The following ZNF705A variants were observed in gnomAD, a reference collection of about 807,000 sequenced individuals.
ZNF705A encodes the protein zinc finger protein 705A.
A neutral mutation model predicts 16.6 loss-of-function variants in ZNF705A; 8 were observed. The ratio of observed to expected loss-of-function variants is 0.48; its 90% CI spans 0.28 to 0.87. The LOEUF (loss-of-function observed/expected upper bound fraction) is 0.87. Ranked by LOEUF, ZNF705A falls within the 40% of genes least tolerant of loss-of-function variation. The pLI, the probability that ZNF705A is intolerant of heterozygous loss-of-function variation, is 0.10. For missense variants in ZNF705A, 233 were observed against 359.9 expected (o/e 0.65, Z 2.85); for synonymous variants, 73 against 117.3 (o/e 0.62, Z 2.44).
intron 1 of ZNF705A, among the ~76,000 whole-genome samples, chr12:8,160,691 T>C (rs1948347418): frequency 6.6e-6 from 1 of 152,114 alleles, no homozygotes; most frequent in Non-Finnish European, 1.5e-5. Context: ...CTAGAAGCTT[T>C]GCCAAATTCT....
chr12:8,164,951 A>G (rs1172843051), intron 1 of ZNF705A, among the ~76,000 whole-genome samples: 1 of 152,190 alleles, frequency 6.6e-6, no homozygotes, highest in Non-Finnish European at 1.5e-5. Flanking sequence ...CATTCCCACC[A>G]ACAGTGTAAA....
intron 4 of ZNF705A, among the ~76,000 whole-genome samples, chr12:8,176,654 A>G (rs1328465981): frequency 6.6e-6 from 1 of 152,190 alleles, no homozygotes; most frequent in African/African-American, 2.4e-5. Context: ...ACCTGTAAAG[A>G]CAAGTTATCA....
At chr12:8,177,512 C>A in exon 5 of ZNF705A, 2 of 1,612,354 alleles carry the variant, frequency 1.2e-6, no homozygotes, top group Non-Finnish European at 1.7e-6. Flanking sequence ...CAAAATAATT[C>A]ACACTGGAGA....
chr12:8,173,380 G>A (rs1387009503), intron 1 of ZNF705A, among the ~76,000 whole-genome samples: 3 of 152,138 alleles, frequency 2.0e-5, no homozygotes, highest in Admixed American at 1.3e-4. Flanking sequence ...AGTAGATAGA[G>A]TACAATTTAG....
intron 1 of ZNF705A, among the ~76,000 whole-genome samples, chr12:8,160,030 T>A (rs1948341176): frequency 6.6e-6 from 1 of 152,160 alleles, no homozygotes; most frequent in Non-Finnish European, 1.5e-5. Flanking sequence ...CTAGTTTCAT[T>A]CTCCTACATG....
intron 1 of ZNF705A, among the ~76,000 whole-genome samples, chr12:8,166,234 T>C (rs1001108239): frequency 1.3e-5 from 2 of 152,222 alleles, no homozygotes; most frequent in African/African-American, 2.4e-5. Flanking sequence ...TAGTAGACAT[T>C]CGCCATGAAG....
chr12:8,177,999 T>G (rs1948500216), exon 5 of ZNF705A: 1 of 202,070 alleles, frequency 4.9e-6, no homozygotes, highest in Non-Finnish European at 1.0e-5. Flanking sequence ...ACTAAAAGTC[T>G]TCAGCAACAG....
At chr12:8,167,348 T>C (rs191593293) in intron 1 of ZNF705A, among the ~76,000 whole-genome samples, 21 of 152,356 alleles carry the variant, frequency 1.4e-4, no homozygotes, top group African/African-American at 5.1e-4. Context: ...TTTTTAGTAG[T>C]AGTCTCAAAA....
At position 8,163,218 on chromosome 12, in the gene ZNF705A, G is replaced by GATCT. The variant is rs778619996; in HGVS notation, c.-72+6128_-72+6131dup. ...CACCTATAAAGATCGAGATCTGTTG[G>GATCT]ATCTAGATCAGGGGATTCTCAATCA... On this transcript the variant is annotated intron_variant, in intron 1 of 5. Transcript: ENST00000396570. Among the ~76,000 whole-genome samples the GATCT allele has an allele frequency of 2.4e-3, 362 of 152,234 alleles. 2 individuals carry two copies. The highest frequency in any genetic ancestry group is 8.5e-3 in the African/African-American group (353 of 41,520).
rs747125613 is a variant in ZNF705A at position 8,175,529 on chromosome 12, C to T, written c.235+206C>T. On this transcript the variant is annotated intron_variant, in intron 3 of 4. Transcript: ENST00000359286. ...GTGTCCTCTTTTTTTACTTTTCTTTCACTTTTAGGAAAAGGATAATTCATG... is the reference window on the plus strand; with the variant it reads ...GTGTCCTCTTTTTTTACTTTTCTTTTACTTTTAGGAAAAGGATAATTCATG... Among the ~76,000 whole-genome samples, 556 of 152,184 alleles carry T rather than the reference C, an allele frequency of 3.7e-3. 2 individuals carry two copies. Among genetic ancestry groups the T allele is most frequent in the African/African-American group, 0.011 (450 of 41,516 alleles).
At chr12:8,167,658 T>C (rs1431177386), upstream of ZNF705A, among the ~76,000 whole-genome samples, 6 of 152,172 alleles carry the variant, frequency 3.9e-5, no homozygotes, top group Non-Finnish European at 1.5e-5. Flanking sequence ...CACTGAGATG[T>C]GAACTGGTCT....
At chr12:8,159,289 A>T (rs1199662548) in intron 1 of ZNF705A, among the ~76,000 whole-genome samples, 1 of 152,140 alleles carries the variant, frequency 6.6e-6, no homozygotes, top group Non-Finnish European at 1.5e-5. Flanking sequence ...ATGTGCAAGT[A>T]TCTTTTTTGT....
intron 1 of ZNF705A, among the ~76,000 whole-genome samples, chr12:8,164,164 T>C (rs1013169315): frequency 2.0e-5 from 3 of 152,210 alleles, no homozygotes; most frequent in African/African-American, 4.8e-5. Context: ...CTGTAAGCAC[T>C]ATGCTGTAAA....
Position 8,172,564 on chromosome 12 carries a change from G to A in ZNF705A, c.-62G>A. ...CTTTCTCCAACCTCAGCTTTTCTTA[G>A]TGCCTAAAGTGTCTGCACATGGAAA... On this transcript the variant is annotated 5_prime_UTR_variant, in exon 1 of 5. The change creates a new upstream start codon in the 5' untranslated region. Coordinates refer to ENST00000359286, the Ensembl canonical transcript of ZNF705A. 6.3e-7 allele frequency: 1 copy of A among 1,592,948 alleles called. No homozygotes were observed. The highest frequency in any genetic ancestry group is 8.5e-7 in the Non-Finnish European group (1 of 1,176,716).
At chr12:8,161,444 G>T (rs759008999) in intron 1 of ZNF705A, among the ~76,000 whole-genome samples, 2 of 151,836 alleles carry the variant, frequency 1.3e-5, no homozygotes, top group Non-Finnish European at 2.9e-5. Flanking sequence ...TTTTTTGTTG[G>T]TAATTTTTTA....
exon 5 of ZNF705A, chr12:8,179,971 C>T (rs1565417948): frequency 6.6e-6 from 1 of 152,226 alleles, no homozygotes; most frequent in Non-Finnish European, 1.5e-5. Flanking sequence ...TAGAGGGAAT[C>T]AATCGACTTT....
rs1948466935 is a variant in ZNF705A, at chr12:8,174,232, C to T, written c.13-94C>T. ...GGAACCCAAAACACTGAGTATTCTG[C>T]ATACCCAGCTCCTAGCTATGTCATC... On this transcript the variant is annotated intron_variant, in intron 1 of 4. Coordinates refer to ENST00000359286, the Ensembl canonical transcript of ZNF705A. 1.3e-5 allele frequency: 20 copies of T among 1,595,128 alleles called. 1 individual carries two copies. Among genetic ancestry groups the T allele is most frequent in the Non-Finnish European group, 1.7e-5 (20 of 1,178,324 alleles).
At chr12:8,171,413 A>G (rs1565415330), upstream of ZNF705A, among the ~76,000 whole-genome samples, 2 of 152,216 alleles carry the variant, frequency 1.3e-5, no homozygotes, top group African/African-American at 2.4e-5. Context: ...ATATACATGG[A>G]CATCGGTATT....
intron 1 of ZNF705A, among the ~76,000 whole-genome samples, chr12:8,164,609 G>A (rs1948383044): frequency 6.6e-6 from 1 of 152,150 alleles, no homozygotes; most frequent in South Asian, 2.1e-4. Context: ...TCGTGGGTTA[G>A]TTTGCTGAGG....
Sources: allele counts gnomAD v4.1 joint callset (sites outside exome capture counted in the v4.1 genomes callset), GRCh38; gene constraint gnomAD v4.1.1; transcripts MANE v1.5; gene names NCBI Gene and HGNC (gene_info 2026-07-23, HGNC 2026-07-21).